The following STK32B variants were observed in gnomAD, a reference collection of about 807,000 sequenced individuals.
STK32B encodes the protein serine/threonine-protein kinase 32B.
In STK32B, 43 loss-of-function variants were observed where a neutral mutation model predicts 52.6. The ratio of observed to expected loss-of-function variants is 0.82; its 90% CI spans 0.64 to 1.05. The LOEUF is 1.05. STK32B is among the 50% of genes least tolerant of loss of function. The probability of loss-of-function intolerance (pLI) is 0.00; values close to 1 mark genes in which losing one functional copy is unlikely to be tolerated. For missense variants in STK32B, 621 were observed against 534.6 expected (o/e 1.16, Z -1.59); for synonymous variants, 238 against 204.3 (o/e 1.17, Z -1.41).
intron 5 of STK32B, among the ~76,000 whole-genome samples, chr4:5,410,130 T>TA (rs1439406183): frequency 4.6e-5 from 7 of 152,150 alleles, no homozygotes; most frequent in African/African-American, 1.7e-4. Flanking sequence ...CAGCCAATGT[T>TA]ACAATCAGCG....
At chr4:5,145,607 T>C (rs566063285) in intron 2 of STK32B, among the ~76,000 whole-genome samples, 1 of 152,330 alleles carries the variant, frequency 6.6e-6, no homozygotes, top group Non-Finnish European at 1.5e-5. Flanking sequence ...GTCTTTTGTT[T>C]AAAGCTTCAT....
At chr4:5,481,030 C>A (rs190219754) in intron 11 of STK32B, among the ~76,000 whole-genome samples, 3 of 152,066 alleles carry the variant, frequency 2.0e-5, no homozygotes, top group Non-Finnish European at 4.4e-5. Flanking sequence ...GTGAACAGTG[C>A]CACAATAAAC....
chr4:5,126,362 G>C (rs998184091), intron 1 of STK32B, among the ~76,000 whole-genome samples: 2 of 152,056 alleles, frequency 1.3e-5, no homozygotes, highest in Non-Finnish European at 2.9e-5. Flanking sequence ...CAGCCACTCC[G>C]GCAAGCCTTC....
chr4:5,494,188 C>A (rs1719998887), intron 11 of STK32B, among the ~76,000 whole-genome samples: 1 of 152,096 alleles, frequency 6.6e-6, no homozygotes, highest in East Asian at 1.9e-4. Context: ...GTGTTAAAGT[C>A]TCCCATTATT....
chr4:5,304,198 T>C (rs1729763634), intron 3 of STK32B, among the ~76,000 whole-genome samples: 1 of 152,106 alleles, frequency 6.6e-6, no homozygotes, highest in Non-Finnish European at 1.5e-5. Flanking sequence ...AGGATTGTTT[T>C]CTCTAGCTCT....
At chr4:5,360,969 C>G (rs1439793912) in intron 4 of STK32B, among the ~76,000 whole-genome samples, 1 of 152,232 alleles carries the variant, frequency 6.6e-6, no homozygotes, top group African/African-American at 2.4e-5. Flanking sequence ...TCTGTATCCA[C>G]TAAACAATTC....
intron 3 of STK32B, among the ~76,000 whole-genome samples, chr4:5,267,043 G>A (rs1727098200): frequency 1.3e-5 from 2 of 152,160 alleles, no homozygotes; most frequent in African/African-American, 2.4e-5. Flanking sequence ...ACCAAGATAG[G>A]ACCTGGGAGG....
intron 4 of STK32B, among the ~76,000 whole-genome samples, chr4:5,362,234 A>G (rs981425832): frequency 6.6e-6 from 1 of 152,212 alleles, no homozygotes; most frequent in African/African-American, 2.4e-5. Flanking sequence ...ATATGAAGGC[A>G]CAAATAAGTC....
intron 2 of STK32B, among the ~76,000 whole-genome samples, chr4:5,142,636 T>C (rs1173765357): frequency 6.6e-6 from 1 of 152,244 alleles, no homozygotes; most frequent in Non-Finnish European, 1.5e-5. Flanking sequence ...TAGACACTGT[T>C]TTCCTGACAT....
chr4:5,433,507 T>C (rs1713769674), intron 6 of STK32B, among the ~76,000 whole-genome samples: 1 of 152,154 alleles, frequency 6.6e-6, no homozygotes, highest in South Asian at 2.1e-4. Context: ...GGTAGGAGAC[T>C]TGGGTTCTAG....
intron 2 of STK32B, among the ~76,000 whole-genome samples, chr4:5,152,582 T>G (rs185800314): frequency 4.3e-4 from 65 of 152,362 alleles, no homozygotes; most frequent in African/African-American, 1.5e-3. Flanking sequence ...CCTACTTCCA[T>G]GGAGGATGTC....
At chr4:5,086,520 A>T (rs1381760903) in intron 1 of STK32B, among the ~76,000 whole-genome samples, 2 of 152,238 alleles carry the variant, frequency 1.3e-5, no homozygotes, top group Non-Finnish European at 2.9e-5. Context: ...AAGTAGAAGA[A>T]AAAGAGAAAA....
intron 3 of STK32B, among the ~76,000 whole-genome samples, chr4:5,317,670 G>C (rs941598017): frequency 2.0e-5 from 3 of 149,070 alleles, no homozygotes; most frequent in Non-Finnish European, 4.4e-5. Context: ...ATTCCAGGGA[G>C]GTCAGACAAG....
Position 5,499,016 on chromosome 4 carries a change from G to A in STK32B, c.1178G>A (p.Ser393Asn), listed in dbSNP as rs150603763. The A allele has an allele frequency of 4.1e-5, 66 of 1,613,828 alleles. No homozygotes were observed. The African/African-American group carries it at 8.3e-4, about 20-fold the overall frequency. ...TDSRGGGQAQ[S>N]KLQDGCNNNL... is the part of the protein sequence containing the mutation. ...AGCCGAGGGGGAGGCCAGGCCCAAA[G>A]CAAGCTCCAGGACGGGTGCAACAAC... The change falls in exon 12 of 12, where the codon AGC becomes AAC. Residue 393 changes from serine (S) to asparagine (N), a missense_variant. Ser to Asn is a conservative substitution (Grantham distance 46, BLOSUM62 1). Transcript: ENST00000282908.
intron 6 of STK32B, among the ~76,000 whole-genome samples, chr4:5,443,477 G>A (rs887702179): frequency 6.6e-6 from 1 of 151,938 alleles, no homozygotes; most frequent in African/African-American, 2.4e-5. Flanking sequence ...GCACTCCTCT[G>A]TATTGGTTAT....
intron 2 of STK32B, among the ~76,000 whole-genome samples, chr4:5,147,192 G>C (rs950182025): frequency 6.6e-6 from 1 of 151,958 alleles, no homozygotes; most frequent in Non-Finnish European, 1.5e-5. Context: ...GGGGGACAGG[G>C]GGAAGACACT....
chr4:5,089,417 G>A (rs528273412), intron 1 of STK32B, among the ~76,000 whole-genome samples: 2 of 152,170 alleles, frequency 1.3e-5, no homozygotes, highest in South Asian at 2.1e-4. Context: ...ACTCCCACTT[G>A]TGAGTGAGAT....
intron 9 of STK32B, 92 bp from the exon 10 acceptor site, chr4:5,466,608 CTTG>C: frequency 6.9e-7 from 1 of 1,457,656 alleles, no homozygotes; most frequent in Non-Finnish European, 9.2e-7. Flanking sequence ...TTCATCATTA[CTTG>C]TTGAATGAAT....
At chr4:5,208,499 G>A (rs1722715684) in intron 3 of STK32B, among the ~76,000 whole-genome samples, 1 of 152,186 alleles carries the variant, frequency 6.6e-6, no homozygotes, top group Non-Finnish European at 1.5e-5. Context: ...TTAGTCATGA[G>A]AAGTTTTCTA....
Sources: gnomAD v4.1 joint callset for allele counts (sites outside exome capture counted in the v4.1 genomes callset) on GRCh38, gnomAD v4.1.1 for gene constraint, MANE v1.5 for transcripts, NCBI Gene and HGNC (gene_info 2026-07-23, HGNC 2026-07-21) for gene names.